The following DCUN1D4 variants were observed in gnomAD, a reference collection of about 807,000 sequenced individuals.
DCUN1D4 encodes the protein defective in cullin neddylation 1 domain containing 4.
A neutral mutation model predicts 47.9 loss-of-function variants in DCUN1D4; 22 were observed. The ratio of observed to expected loss-of-function variants is 0.46; its 90% CI spans 0.33 to 0.66. DCUN1D4 has a LOEUF of 0.66. Among genes scored for constraint, DCUN1D4 ranks in the 30% least tolerant of loss-of-function variants. The probability of loss-of-function intolerance (pLI) is 0.02; values close to 1 mark genes in which losing one functional copy is unlikely to be tolerated. For synonymous variants in DCUN1D4, 121 were observed against 112.2 expected (o/e 1.08, Z -0.50); for missense variants, 301 against 340.8 (o/e 0.88, Z 0.92).
At chr4:51,879,212 C>CTG (rs1209497707) in intron 5 of DCUN1D4, among the ~76,000 whole-genome samples, 1 of 152,190 alleles carries the variant, frequency 6.6e-6, no homozygotes, top group Non-Finnish European at 1.5e-5. Flanking sequence ...CACATGGATG[C>CTG]TGTTAGCATT....
chr4:51,911,741 T>A (rs1733743983), intron 9 of DCUN1D4, among the ~76,000 whole-genome samples: 1 of 152,188 alleles, frequency 6.6e-6, no homozygotes, highest in Non-Finnish European at 1.5e-5. Context: ...GTTTGTGTGC[T>A]TTTAAGTATT....
Position 51,863,469 on chromosome 4 carries a change from G to T in DCUN1D4, c.58G>T (p.Ala20Ser). The T allele has an allele frequency of 6.2e-7, 1 of 1,612,536 alleles. No individual in the cohort carries two copies. Among genetic ancestry groups the T allele is most frequent in the Non-Finnish European group, 8.5e-7 (1 of 1,179,384 alleles). ...GCTGAACTCTCATCTCTCAACACTG[G>T]CAAATATTCATAAGATCTACCACAC... The part of the protein sequence containing the change: ...FQLNSHLSTL[A>S]NIHKIYHTLN... Residue 20 changes from alanine (A) to serine (S), a missense_variant, in exon 2 of 11, where the codon GCA becomes TCA. Physicochemically the swap from Ala to Ser is moderately conservative, Grantham distance 99. Around this residue, in one of 2 missense-constraint regions of DCUN1D4, gnomAD observed 131 missense variants for 106.3 expected, o/e 1.23. Transcript: ENST00000334635.
rs940879901 is a variant in DCUN1D4, at chr4:51,846,156, C to G, written c.25+2889C>G. On this transcript the variant is annotated intron_variant, in intron 1 of 10. Coordinates refer to ENST00000334635, the MANE Select transcript of DCUN1D4 (RefSeq NM_001040402.3). The stretch of plus-strand genomic sequence containing the variant: ...TTATACACATATAGCCCACCTCCCT[C>G]CATTCCCCAAAGCCCTAGGCTCCTA... 8.5e-5 allele frequency among the ~76,000 whole-genome samples: 13 copies of G among 152,194 alleles called. No homozygotes were observed. In the East Asian group the frequency reaches 2.5e-3, roughly 29 times the overall value.
rs117252042 is a variant in DCUN1D4, at chr4:51,881,480, A to G, written c.343+3626A>G. Among the ~76,000 whole-genome samples, 34 of 152,264 alleles carry G rather than the reference A, an allele frequency of 2.2e-4. 1 individual carries two copies. The East Asian group carries it at 6.4e-3, about 29-fold the overall frequency. On this transcript the variant is annotated intron_variant, in intron 5 of 10. Transcript: ENST00000334635. Reference sequence around the variant, plus strand: ...TTGCCTCTGTGATGTGGTATGCTATAATTATGGGGCCATTATGAAAAGGTC... The same window carrying G: ...TTGCCTCTGTGATGTGGTATGCTATGATTATGGGGCCATTATGAAAAGGTC...
chr4:51,896,983 C>T (rs1397649460), intron 7 of DCUN1D4, among the ~76,000 whole-genome samples: 2 of 152,230 alleles, frequency 1.3e-5, no homozygotes, highest in Non-Finnish European at 2.9e-5. Context: ...ACTCCAGCGA[C>T]AGTGGCTGTC....
chr4:51,863,707 C>A lies in DCUN1D4; in HGVS notation c.134C>A (p.Thr45Lys). ...GACATTGGCCAAGACGATCACCAAACAGGTATCTGTAAATGCTAACACTAC... is the reference window on the plus strand; with the variant it reads ...GACATTGGCCAAGACGATCACCAAAAAGGTATCTGTAAATGCTAACACTAC... ...TEDIGQDDHQ[T>K]GSLRSCSSSD... Residue 45 changes from threonine to lysine, a missense_variant and splice_region_variant, in exon 3 of 11, where the codon ACA (threonine) becomes AAA (lysine). By Grantham distance (78) the Thr-to-Lys change is moderately conservative (BLOSUM62 -1). This residue lies in a region of DCUN1D4 where 131 missense variants were observed against 106.3 expected (regional missense o/e 1.23). Coordinates refer to ENST00000334635, the MANE Select transcript of DCUN1D4 (RefSeq NM_001040402.3). The A allele has an allele frequency of 6.2e-7, 1 of 1,612,866 alleles. No individual in the cohort carries two copies. Among genetic ancestry groups the A allele is most frequent in the South Asian group, 1.1e-5 (1 of 90,712 alleles).
intron 8 of DCUN1D4, among the ~76,000 whole-genome samples, chr4:51,899,714 T>C (rs1015046644): frequency 3.9e-5 from 6 of 152,196 alleles, no homozygotes; most frequent in Admixed American, 2.0e-4. Flanking sequence ...AACCTTCTCC[T>C]GTTGAGTTTA....
chr4:51,842,446 G>A (rs1336136469), upstream of DCUN1D4, among the ~76,000 whole-genome samples: 1 of 152,218 alleles, frequency 6.6e-6, no homozygotes, highest in Admixed American at 6.5e-5. Flanking sequence ...TGCGGACTCT[G>A]GAAAAGAAGT....
At chr4:51,848,251 G>A in intron 1 of DCUN1D4, 1 of 1,289,388 alleles carries the variant, frequency 7.8e-7, no homozygotes, top group South Asian at 1.2e-5. Flanking sequence ...CAAGGAAAGA[G>A]TAAAATGCTG....
upstream of DCUN1D4, among the ~76,000 whole-genome samples, chr4:51,841,500 C>T (rs920973711): frequency 2.6e-5 from 4 of 152,084 alleles, no homozygotes; most frequent in Non-Finnish European, 5.9e-5. Context: ...TAAAGGTGAT[C>T]AATAAGGATG....
rs573464883 is a variant in DCUN1D4 at position 51,863,601 on chromosome 4, G to GAT, written c.97-66_97-65dup. The GAT allele has an allele frequency of 1.1e-5, 17 of 1,581,106 alleles. No individual in the cohort carries two copies. The South Asian group carries it at 1.7e-4, about 16-fold the overall frequency. On this transcript the variant is annotated intron_variant, in intron 2 of 10. Coordinates refer to ENST00000334635, the MANE Select transcript of DCUN1D4 (RefSeq NM_001040402.3). ...TAAAAATTTAGATTCTAGATATTAG[G>GAT]ATATCAGTTGTTTATGAAAATGCTA... is the stretch of plus-strand genomic sequence containing the variant.
intron 3 of DCUN1D4, among the ~76,000 whole-genome samples, chr4:51,867,062 C>A (rs1726056702): frequency 6.6e-6 from 1 of 152,230 alleles, no homozygotes; most frequent in African/African-American, 2.4e-5. Flanking sequence ...TGCACACAGC[C>A]AGGCATGCTG....
At chr4:51,845,953 T>G (rs1211774767) in intron 1 of DCUN1D4, among the ~76,000 whole-genome samples, 2 of 152,198 alleles carry the variant, frequency 1.3e-5, no homozygotes, top group Non-Finnish European at 2.9e-5. Context: ...TATAAAAATA[T>G]GTACAAAAAT....
chr4:51,834,103 C>CTTTCTTTTT, the DCUN1D4 span, among the ~76,000 whole-genome samples: 1 of 42,574 alleles, frequency 2.3e-5, no homozygotes, highest in East Asian at 1.1e-3. Context: ...TTTCTTCTTT[C>CTTTCTTTTT]TTTTTTTTTT....
intron 7 of DCUN1D4, 51 bp downstream of exon 7, chr4:51,891,902 C>A: frequency 7.2e-7 from 1 of 1,383,290 alleles, no homozygotes; most frequent in Non-Finnish European, 1.0e-6. Flanking sequence ...CAGGTGGTTG[C>A]CTCCTTCCTC....
rs1203379010 is a variant in DCUN1D4 at position 51,916,266 on chromosome 4, C to G, written c.*2682C>G. On this transcript the variant is annotated 3_prime_UTR_variant, in exon 11 of 11. Coordinates refer to ENST00000334635, the MANE Select transcript of DCUN1D4 (RefSeq NM_001040402.3). ...AGAAATTGTATTATTTGATTTGCCT[C>G]AAACATCCACTGTAATGTTACATGC... 6.6e-6 allele frequency: 1 copy of G among 152,144 alleles called. No individual in the cohort carries two copies. The highest frequency in any genetic ancestry group is 1.5e-5 in the Non-Finnish European group (1 of 67,988). 9.4% of individuals were successfully genotyped at this position (152,144 alleles called of 1,614,324 possible). A position where few individuals can be genotyped will look rare whatever the true frequency, so the allele number is the denominator to read the frequency against.
chr4:51,875,180 A>G (rs917341423), intron 4 of DCUN1D4: 12 of 152,208 alleles, frequency 7.9e-5, no homozygotes, highest in Non-Finnish European at 1.0e-4. Flanking sequence ...CTGAAAATGT[A>G]AAAATAATGT....
intron 5 of DCUN1D4, among the ~76,000 whole-genome samples, chr4:51,878,369 G>A (rs1449571246): frequency 1.3e-5 from 2 of 152,126 alleles, no homozygotes; most frequent in Non-Finnish European, 2.9e-5. Flanking sequence ...ATTTGTTATT[G>A]TGGCTTTGTA....
At chr4:51,873,467 C>T (rs1727211778) in intron 3 of DCUN1D4, among the ~76,000 whole-genome samples, 1 of 152,174 alleles carries the variant, frequency 6.6e-6, no homozygotes, top group South Asian at 2.1e-4. Context: ...GATTCGAATC[C>T]TGGCTTTGCC....
Sources: gnomAD v4.1 joint callset for allele counts (sites outside exome capture counted in the v4.1 genomes callset) on GRCh38, gnomAD v4.1.1 for gene constraint, gnomAD v4.1.1 regional missense constraint, MANE v1.5 for transcripts, NCBI Gene and HGNC (gene_info 2026-07-23, HGNC 2026-07-21) for gene names.